CPNE7: variants seen among roughly 807,000 people sequenced by gnomAD.
The protein encoded by CPNE7 is copine-7.
Under a neutral mutation model 66.5 loss-of-function variants are expected in CPNE7, and 78 were observed. That is an observed-to-expected ratio of 1.17 (90% CI 0.98 to 1.42). The LOEUF is 1.42. Among genes scored for constraint, CPNE7 ranks in the 40% most tolerant of loss-of-function variants. The pLI is 0.00. For missense variants in CPNE7, 1,012 were observed against 776.6 expected (o/e 1.30, Z -3.60); for synonymous variants, 468 against 336.7 (o/e 1.39, Z -4.27).
chr16:89,595,893 C>G (rs1189761635), intron 14 of CPNE7: 1 of 587,608 alleles, frequency 1.7e-6, no homozygotes, highest in African/African-American at 1.8e-5. Flanking sequence ...CTGCCAACCT[C>G]TGCGACCCGG....
At position 89,591,045 on chromosome 16, in the gene CPNE7, C is replaced by G. The variant is rs376054672; in HGVS notation, c.1155C>G (p.Asp385Glu). ...TTGCCATCAATTTCAACCCTGAGGACGATGAGTGTGAAGGTAGGAGCTCGA... is the reference window on the plus strand; with the variant it reads ...TTGCCATCAATTTCAACCCTGAGGAGGATGAGTGTGAAGGTAGGAGCTCGA... ...HDFAINFNPE[D>E]DECEGIQGVV... Residue 385 changes from aspartate to glutamate, a missense_variant, in exon 12 of 15, where the codon GAC becomes GAG. By Grantham distance (45) the Asp-to-Glu change is conservative. Transcript: ENST00000319518. The G allele has an allele frequency of 6.2e-7, 1 of 1,613,370 alleles. No individual in the cohort carries two copies. Among genetic ancestry groups the G allele is most frequent in the African/African-American group, 1.3e-5 (1 of 74,754 alleles).
At position 89,577,826 on chromosome 16, in the gene CPNE7, A is replaced by C. The variant is rs528637744; in HGVS notation, c.357+105A>C. On this transcript the variant is annotated intron_variant, in intron 2 of 14. Coordinates refer to ENST00000319518, the MANE Select transcript of CPNE7 (RefSeq NM_153636.3). ...CGCAGGGACCCTGCTGGGGTGGCCA[A>C]CCTGGCTCTGCCCCCTCCTCAGCTC... 10 of 1,114,442 alleles carry C rather than the reference A, an allele frequency of 9.0e-6. No homozygotes were observed. The South Asian group carries it at 1.4e-4, about 15-fold the overall frequency. 69.0% of individuals were successfully genotyped at this position (1,114,442 alleles called of 1,614,324 possible).
chr16:89,587,178 C>G, intron 9 of CPNE7, 76 bp downstream of exon 9: 1 of 680,378 alleles, frequency 1.5e-6, no homozygotes, highest in Non-Finnish European at 2.4e-6. Flanking sequence ...AGTCCGTGGC[C>G]CCGCCCCTCC....
chr16:89,583,600 G>A (rs1311934461), intron 2 of CPNE7, 97 bp from the exon 3 acceptor site: 2 of 1,606,820 alleles, frequency 1.2e-6, no homozygotes, highest in Non-Finnish European at 1.7e-6. Flanking sequence ...TGGGGAGACA[G>A]GACAGGCCTG....
At chr16:89,582,452 C>T (rs952855577) in intron 2 of CPNE7, among the ~76,000 whole-genome samples, 4 of 152,236 alleles carry the variant, frequency 2.6e-5, no homozygotes, top group African/African-American at 9.6e-5. Context: ...TCCTTTCCTG[C>T]GCCCTCCCTG....
In CPNE7 at chr16:89,585,790, G is replaced by A. The variant is rs2059026380; in HGVS notation, c.780+5G>A. 6.8e-7 allele frequency: 1 copy of A among 1,462,014 alleles called. No homozygotes were observed. Among genetic ancestry groups the A allele is most frequent in the Non-Finnish European group, 9.1e-7 (1 of 1,097,288 alleles). 90.6% of individuals were successfully genotyped at this position (1,462,014 alleles called of 1,614,324 possible). A position where few individuals can be genotyped will look rare whatever the true frequency, so the allele number is the denominator to read the frequency against. On this transcript the variant is annotated splice_donor_5th_base_variant and intron_variant, in intron 7 of 14. Transcript: ENST00000319518. ...AAGGCCTTTGAGGAGGGGCAGGTGA[G>A]CAGGACGGGGTAGGGGGTCCTCCAG...
chr16:89,576,756 G>C (rs974248335), intron 1 of CPNE7, among the ~76,000 whole-genome samples: 1 of 152,198 alleles, frequency 6.6e-6, no homozygotes, highest in Admixed American at 6.5e-5. Flanking sequence ...CGGCGCAGGG[G>C]TCTCTCCAGG....
chr16:89,585,022 AG>A (rs1176652538), intron 5 of CPNE7, among the ~76,000 whole-genome samples, 165 bp downstream of exon 5: 1 of 152,244 alleles, frequency 6.6e-6, no homozygotes, highest in Admixed American at 6.5e-5. Context: ...CCGCAGGCGC[AG>A]GGCCCTGGGG....
At position 89,595,730 on chromosome 16, in the gene CPNE7, C is replaced by A. The variant is rs577304174; in HGVS notation, c.1539+127C>A. The A allele has an allele frequency of 5.8e-6, 5 of 864,080 alleles. No homozygotes were observed. The Admixed American group carries it at 9.0e-5, about 16-fold the overall frequency. 53.5% of individuals were successfully genotyped at this position (864,080 alleles called of 1,614,324 possible). On this transcript the variant is annotated intron_variant, in intron 14 of 14. Transcript: ENST00000319518. ...AGGTCCCTTCTTGTGTCTGGGGGAT[C>A]CTGGGCTGTTCCCCCCAGTCAAGAG...
intron 10 of CPNE7, among the ~76,000 whole-genome samples, chr16:89,589,431 C>T (rs1041453652): frequency 2.0e-5 from 3 of 152,208 alleles, no homozygotes; most frequent in Non-Finnish European, 2.9e-5. Context: ...TTGGGGCTCA[C>T]CCGCGTATGC....
At chr16:89,581,050 A>ATCACATGGAACATCCCGTAACCCG (rs2058948998) in intron 2 of CPNE7, among the ~76,000 whole-genome samples, 4 of 127,454 alleles carry the variant, frequency 3.1e-5, no homozygotes, top group Non-Finnish European at 4.9e-5. Context: ...CCCGTAACCC[A>ATCACATGGAACATCCCGTAACCCG]TCACATGGAA....
At chr16:89,595,784 C>G (rs747144488) in intron 14 of CPNE7, 181 bp downstream of exon 14, 4 of 711,402 alleles carry the variant, frequency 5.6e-6, no homozygotes, top group African/African-American at 5.2e-5. Flanking sequence ...CTTTGAGCAC[C>G]TGAAACACCC....
Position 89,577,568 on chromosome 16 carries a change from C to T in CPNE7, c.204C>T (p.Ser68=). The change falls in exon 2 of 15, where the codon AGC becomes AGT. Residue 68 remains serine (S), a synonymous_variant. Transcript: ENST00000319518. ...QVGRTEVVRS[S]LHPVFSKVFT... is the part of the protein sequence containing the mutation. Reference sequence around the variant, plus strand: ...GCAGAACCGAGGTGGTCCGGAGCAGCCTGCATCCCGTGTTCTCCAAGGTCT... The same window carrying T: ...GCAGAACCGAGGTGGTCCGGAGCAGTCTGCATCCCGTGTTCTCCAAGGTCT... 6.4e-7 allele frequency: 1 copy of T among 1,552,318 alleles called. No homozygotes were observed. The highest frequency in any genetic ancestry group is 8.7e-7 in the Non-Finnish European group (1 of 1,147,324).
At chr16:89,578,963 A>G in intron 2 of CPNE7, 1 of 1,610,906 alleles carries the variant, frequency 6.2e-7, no homozygotes, top group Non-Finnish European at 8.5e-7. Context: ...GAATCCTCAC[A>G]CCTTGCCAGG....
chr16:89,582,088 G>A (rs915872475), intron 2 of CPNE7, among the ~76,000 whole-genome samples: 4 of 152,244 alleles, frequency 2.6e-5, no homozygotes, highest in African/African-American at 9.6e-5. Flanking sequence ...CACGTGTGCT[G>A]TGGATATGTG....
Position 89,584,015 on chromosome 16 carries a change from G to A in CPNE7, c.433-13G>A, listed in dbSNP as rs376389386. ...ACCTGGCCAAGCCTGGAGCCCGGGC[G>A]TCCCCCTGCCAGGTGATCGCCGAGG... On this transcript the variant is annotated splice_polypyrimidine_tract_variant and intron_variant, in intron 3 of 14. Transcript: ENST00000319518. This position sits in a 1 kb window ranked among gnomAD's most constrained non-coding sequence, Gnocchi z 6.0. 2.5e-5 allele frequency: 40 copies of A among 1,611,540 alleles called. No homozygotes were observed. Among genetic ancestry groups the A allele is most frequent in the Admixed American group, 8.4e-5 (5 of 59,788 alleles).
intron 11 of CPNE7, among the ~76,000 whole-genome samples, chr16:89,590,348 A>G (rs1185813675): frequency 6.6e-6 from 1 of 152,038 alleles, no homozygotes; most frequent in Non-Finnish European, 1.5e-5. Flanking sequence ...ATCATGGTGA[A>G]ACCCCATCTC....
chr16:89,585,216 G>T (rs1194801892), intron 5 of CPNE7, among the ~76,000 whole-genome samples: 1 of 152,234 alleles, frequency 6.6e-6, no homozygotes, highest in Non-Finnish European at 1.5e-5. Flanking sequence ...CAGCGCAGGT[G>T]GCTCAGAGGT....
At chr16:89,595,174 G>A (rs533580185) in intron 13 of CPNE7, among the ~76,000 whole-genome samples, 193 bp from the exon 14 acceptor site, 2 of 152,272 alleles carry the variant, frequency 1.3e-5, no homozygotes, top group East Asian at 3.9e-4. Flanking sequence ...GAGGCCCAGA[G>A]TGCCCGCCAC....
Sources: gnomAD v4.1 joint callset for allele counts (sites outside exome capture counted in the v4.1 genomes callset) on GRCh38, gnomAD v4.1.1 for gene constraint, Gnocchi (gnomAD v3.1) non-coding constraint, MANE v1.5 for transcripts, NCBI Gene and HGNC (gene_info 2026-07-23, HGNC 2026-07-21) for gene names.